WDR26: variants seen among roughly 807,000 people sequenced by gnomAD.
The protein encoded by WDR26 is WD repeat domain 26.
Under a neutral mutation model 84.1 loss-of-function variants are expected in WDR26, and 5 were observed. The observed-to-expected ratio is 0.06, with a 90% CI of 0.03 to 0.13. The LOEUF (loss-of-function observed/expected upper bound fraction) is 0.13, where lower values mean the gene tolerates loss of function less well. Ranked by LOEUF, WDR26 falls within the 10% of genes least tolerant of loss-of-function variation. WDR26 has a pLI of 1.00. For missense variants in WDR26, 642 were observed against 974.9 expected, an observed-to-expected ratio of 0.66 and a Z score of 4.55; for synonymous variants, 415 against 389.6, an observed-to-expected ratio of 1.07 and a Z score of -0.77.
chr1:224,432,190 C>T (rs1270995411), intron 1 of WDR26, among the ~76,000 whole-genome samples: 1 of 152,190 alleles, frequency 6.6e-6, no homozygotes, highest in Non-Finnish European at 1.5e-5. Flanking sequence ...CAGTTAAGAG[C>T]TTATATATCC....
chr1:224,400,491 A>G (rs1379023020), intron 9 of WDR26, among the ~76,000 whole-genome samples: 1 of 152,176 alleles, frequency 6.6e-6, no homozygotes, highest in East Asian at 1.9e-4. Context: ...ATTCTATTGG[A>G]CAGCGCTTGT....
At chr1:224,396,776 C>T (rs537134763) in intron 12 of WDR26, among the ~76,000 whole-genome samples, 117 of 152,100 alleles carry the variant, frequency 7.7e-4, no homozygotes, top group Non-Finnish European at 1.3e-3. Context: ...CTGGGTAACG[C>T]GGTGAAACCC....
chr1:224,428,548 G>A (rs1449812130), intron 3 of WDR26, among the ~76,000 whole-genome samples: 1 of 151,912 alleles, frequency 6.6e-6, no homozygotes, highest in African/African-American at 2.4e-5. Context: ...TATTGGTCTC[G>A]TATACCCATC....
In WDR26 at chr1:224,434,449, CCGGGGAGAGGGT is replaced by C; in HGVS notation, c.-56_-45del. On this transcript the variant is annotated 5_prime_UTR_variant, in exon 1 of 14. Coordinates refer to ENST00000414423, the MANE Select transcript of WDR26 (RefSeq NM_001379403.1). Reference sequence around the variant, plus strand: ...CGAGGCGGGGGAGGGGAGGCGGGGGCCGGGGAGAGGGTCGGGGTGAGGGGGGCCGGGGAGGCG... The same window carrying C: ...CGAGGCGGGGGAGGGGAGGCGGGGGCCGGGGTGAGGGGGGCCGGGGAGGCG... The C allele has an allele frequency of 3.3e-6, 1 of 305,138 alleles. No homozygotes were observed. The highest frequency in any genetic ancestry group is 4.3e-6 in the Non-Finnish European group (1 of 231,906). The allele number at this position is 305,138 out of a possible 1,614,324, so 18.9% of individuals were successfully genotyped here.
At chr1:224,405,152 C>G (rs1673518209) in intron 7 of WDR26, among the ~76,000 whole-genome samples, 1 of 152,182 alleles carries the variant, frequency 6.6e-6, no homozygotes, top group Admixed American at 6.5e-5. Flanking sequence ...TTTGCCTATT[C>G]TGGACGTTTC....
chr1:224,404,035 A>C (rs1208840031), intron 8 of WDR26, among the ~76,000 whole-genome samples: 1 of 152,222 alleles, frequency 6.6e-6, no homozygotes, highest in African/African-American at 2.4e-5. Flanking sequence ...AGTATATTAA[A>C]TATAGGCAAG....
Position 224,401,583 on chromosome 1 carries a change from A to G in WDR26, c.1600-514T>C, listed in dbSNP as rs540130820. On this transcript the variant is annotated intron_variant, in intron 8 of 13. Coordinates refer to ENST00000414423, the MANE Select transcript of WDR26 (RefSeq NM_001379403.1). Reference sequence around the variant, plus strand: ...CAGCTATTCAAGAGGCTTAGGCACGAGAATCACTTGAACCCAGGCGGTGGA... The same window carrying G: ...CAGCTATTCAAGAGGCTTAGGCACGGGAATCACTTGAACCCAGGCGGTGGA... 8.2e-5 allele frequency among the ~76,000 whole-genome samples: 12 copies of G among 146,880 alleles called. No homozygotes were observed. In the East Asian group the frequency reaches 2.5e-3, roughly 31 times the overall value.
intron 9 of WDR26, among the ~76,000 whole-genome samples, chr1:224,400,357 G>C (rs1019924418): frequency 2.0e-5 from 3 of 149,554 alleles, no homozygotes; most frequent in Non-Finnish European, 4.4e-5. Flanking sequence ...TTATAAATTA[G>C]AAACTTGCTC....
At position 224,431,461 on chromosome 1, in the gene WDR26, A is replaced by T; in HGVS notation, c.927+16T>A. 6.2e-7 allele frequency: 1 copy of T among 1,609,742 alleles called. No individual in the cohort carries two copies. The highest frequency in any genetic ancestry group is 8.5e-7 in the Non-Finnish European group (1 of 1,176,530). On this transcript the variant is annotated intron_variant, in intron 3 of 13. Transcript: ENST00000414423. ...AATAAGCATAAATGTGAAACTAAGAACAAAAGTGTATTTACCACAATTATT... is the reference window on the plus strand; with the variant it reads ...AATAAGCATAAATGTGAAACTAAGATCAAAAGTGTATTTACCACAATTATT...
chr1:224,391,953 C>T (rs1341758083), intron 13 of WDR26, among the ~76,000 whole-genome samples: 1 of 152,096 alleles, frequency 6.6e-6, no homozygotes, highest in Non-Finnish European at 1.5e-5. Flanking sequence ...CTGAACTGGA[C>T]CCAGATCCTA....
chr1:224,406,219 G>A (rs1673545241), intron 7 of WDR26, among the ~76,000 whole-genome samples: 1 of 152,124 alleles, frequency 6.6e-6, no homozygotes, highest in South Asian at 2.1e-4. Flanking sequence ...AGATAAAAAT[G>A]ACATGACAGA....
intron 3 of WDR26, among the ~76,000 whole-genome samples, chr1:224,428,039 T>C (rs1303088012): frequency 6.6e-6 from 1 of 152,200 alleles, no homozygotes; most frequent in Non-Finnish European, 1.5e-5. Flanking sequence ...AGATTATTTC[T>C]GGTCTCTAAT....
At chr1:224,392,309 C>T (rs183159724) in intron 13 of WDR26, among the ~76,000 whole-genome samples, 4 of 150,864 alleles carry the variant, frequency 2.7e-5, no homozygotes, top group South Asian at 2.1e-4. Flanking sequence ...TGCAGTGAGC[C>T]GAGATCGCAC....
chr1:224,434,576 C>A lies in WDR26; in HGVS notation c.-171G>T, dbSNP rs1293891497. ...GAAGGAGGATCCGGGCCCTTTCCCC[C>A]CCCCCTCCCGGAGGCAGCTCGGGGT... On this transcript the variant is annotated 5_prime_UTR_variant, in exon 1 of 14. Coordinates refer to ENST00000414423, the MANE Select transcript of WDR26 (RefSeq NM_001379403.1). The A allele has an allele frequency of 7.0e-5, 33 of 473,270 alleles. No individual in the cohort carries two copies. Among genetic ancestry groups the A allele is most frequent in the Non-Finnish European group, 8.5e-5 (31 of 365,520 alleles). The allele number at this position is 473,270 out of a possible 1,614,324, so 29.3% of individuals were successfully genotyped here. A position where few individuals can be genotyped will look rare whatever the true frequency, so the allele number is the denominator to read the frequency against.
chr1:224,424,598 C>T lies in WDR26; in HGVS notation c.984G>A (p.Lys328=), dbSNP rs757565936. ...GTAGAACTTGAAGTGCCTCCAGGAC[C>T]TTGCCATCCTCCAGGTATTCTAGGT... is the stretch of plus-strand genomic sequence containing the variant. The change falls in exon 4 of 14, where the codon AAG becomes AAA. Residue 328 remains lysine (K), a synonymous_variant. Transcript: ENST00000414423. 3.1e-6 allele frequency: 5 copies of T among 1,614,168 alleles called. No individual in the cohort carries two copies. The Admixed American group carries it at 8.3e-5, about 27-fold the overall frequency.
intron 6 of WDR26, among the ~76,000 whole-genome samples, chr1:224,413,986 A>C (rs1382577490): frequency 6.8e-6 from 1 of 146,764 alleles, no homozygotes. Flanking sequence ...ATTTTTTTGT[A>C]TTTTTAGTAG....
At chr1:224,419,712 T>A in intron 4 of WDR26, 97 bp from the exon 5 acceptor site, 1 of 903,682 alleles carries the variant, frequency 1.1e-6, no homozygotes, top group Non-Finnish European at 1.8e-6. Flanking sequence ...TGCTTCTTAC[T>A]AATACATGTC....
rs927379780 is a variant in WDR26 at position 224,387,879 on chromosome 1, G to A, written c.*1956C>T. 6.6e-6 allele frequency: 1 copy of A among 152,534 alleles called. No individual in the cohort carries two copies. The highest frequency in any genetic ancestry group is 1.5e-5 in the Non-Finnish European group (1 of 68,010). 9.4% of individuals were successfully genotyped at this position (152,534 alleles called of 1,614,324 possible). A position where few individuals can be genotyped will look rare whatever the true frequency, so the allele number is the denominator to read the frequency against. ...ATGAAGATTTTTATTCAAGCTTAAA[G>A]TAAAAAGTAATTTTAGTTAAGAAAA... On this transcript the variant is annotated 3_prime_UTR_variant, in exon 14 of 14. Transcript: ENST00000414423.
intron 6 of WDR26, among the ~76,000 whole-genome samples, chr1:224,413,574 C>T (rs1166042989): frequency 6.6e-6 from 1 of 152,102 alleles, no homozygotes; most frequent in East Asian, 1.9e-4. Context: ...TATAATATTG[C>T]TCATGGAAGT....
Sources: gnomAD v4.1 joint callset for allele counts (sites outside exome capture counted in the v4.1 genomes callset) on GRCh38, gnomAD v4.1.1 for gene constraint, MANE v1.5 for transcripts, NCBI Gene and HGNC (gene_info 2026-07-23, HGNC 2026-07-21) for gene names.